MACROD2: variants seen among roughly 807,000 people sequenced by gnomAD.
MACROD2 encodes the protein ADP-ribose glycohydrolase MACROD2.
MACROD2 carries 36 observed loss-of-function variants against 70.4 expected under a neutral mutation model. That is an observed-to-expected ratio of 0.51 (90% CI 0.39 to 0.68). The LOEUF is 0.68. Ranked by LOEUF, MACROD2 falls within the 30% of genes least tolerant of loss-of-function variation. The probability of loss-of-function intolerance (pLI) is 0.00; values close to 1 mark genes in which losing one functional copy is unlikely to be tolerated. For missense variants in MACROD2, 496 were observed against 538.4 expected (o/e 0.92, Z 0.78); for synonymous variants, 172 against 178.8 (o/e 0.96, Z 0.30).
At chr20:14,024,373 C>T (rs1226957976) in intron 2 of MACROD2, among the ~76,000 whole-genome samples, 1 of 152,164 alleles carries the variant, frequency 6.6e-6, no homozygotes, top group Non-Finnish European at 1.5e-5. Flanking sequence ...TATTTGAATA[C>T]CCTTTATTTC....
At chr20:15,086,428 C>A (rs1014922482) in intron 5 of MACROD2, among the ~76,000 whole-genome samples, 57 of 152,116 alleles carry the variant, frequency 3.7e-4, no homozygotes, top group African/African-American at 1.3e-3. Context: ...TCAGAATCAA[C>A]TAAGGGTCTT....
intron 5 of MACROD2, among the ~76,000 whole-genome samples, chr20:15,142,071 C>A (rs1299515493): frequency 1.3e-5 from 2 of 152,158 alleles, no homozygotes; most frequent in East Asian, 1.9e-4. Context: ...GAGCATAACC[C>A]TATCAATGTC....
In MACROD2 at chr20:14,884,696, G is replaced by T. The variant is rs2073651424; in HGVS notation, c.418+199737G>T. On this transcript the variant is annotated intron_variant, in intron 5 of 17. Coordinates refer to ENST00000684519, the MANE Select transcript of MACROD2 (RefSeq NM_001351661.2). ...AACCTGAAACATGAGTTCAGGCCAT[G>T]ATGGGAATGGATAGTCAGACATGCC... 2 of 152,128 alleles carry T rather than the reference G, an allele frequency of 1.3e-5. 1 individual carries two copies. The highest frequency in any genetic ancestry group is 4.2e-4 in the South Asian group (2 of 4,818). The allele number at this position is 152,128 out of a possible 1,614,324, so 9.4% of individuals were successfully genotyped here.
chr20:15,922,660 G>C (rs2065427927), intron 10 of MACROD2, among the ~76,000 whole-genome samples: 1 of 152,188 alleles, frequency 6.6e-6, no homozygotes. Context: ...TTCACTGACT[G>C]CCTCCAGGAC....
At chr20:14,637,459 G>C (rs1336378425) in intron 4 of MACROD2, among the ~76,000 whole-genome samples, 1 of 152,126 alleles carries the variant, frequency 6.6e-6, no homozygotes, top group Non-Finnish European at 1.5e-5. Context: ...ATGAATGCTG[G>C]GTAAAATATT....
At chr20:14,220,992 C>T (rs982235028) in intron 3 of MACROD2, among the ~76,000 whole-genome samples, 23 of 152,262 alleles carry the variant, frequency 1.5e-4, no homozygotes, top group African/African-American at 5.3e-4. Flanking sequence ...GAGGTGCCGC[C>T]CACTGCTCTG....
chr20:16,011,257 C>T (rs775109), intron 15 of MACROD2, among the ~76,000 whole-genome samples: 21,635 of 152,218 alleles, frequency 0.14, 1,917 homozygotes, highest in South Asian at 0.23. Flanking sequence ...CACTCACTGA[C>T]GGGATAAAAT....
chr20:15,334,323 G>A (rs2078025371), intron 6 of MACROD2, among the ~76,000 whole-genome samples: 1 of 151,282 alleles, frequency 6.6e-6, no homozygotes, highest in African/African-American at 2.4e-5. Context: ...AATAAGAAGA[G>A]CATTTTGACT....
intron 3 of MACROD2, among the ~76,000 whole-genome samples, chr20:14,159,225 T>C (rs561004918): frequency 1.3e-5 from 2 of 151,864 alleles, no homozygotes; most frequent in Non-Finnish European, 2.9e-5. Context: ...GCAACAAGAG[T>C]GAAACTCTGT....
intron 8 of MACROD2, among the ~76,000 whole-genome samples, chr20:15,681,931 G>A (rs1392915417): frequency 1.3e-5 from 2 of 152,102 alleles, no homozygotes. Flanking sequence ...CCATTTTTGT[G>A]ATTCCCAAGG....
intron 6 of MACROD2, among the ~76,000 whole-genome samples, chr20:15,313,830 A>G (rs1328653509): frequency 1.3e-5 from 2 of 152,242 alleles, no homozygotes; most frequent in East Asian, 1.9e-4. Context: ...CCAAAAACGC[A>G]TATGAGCAGA....
intron 11 of MACROD2, among the ~76,000 whole-genome samples, chr20:15,936,673 A>G (rs899048963): frequency 5.5e-5 from 8 of 145,326 alleles, no homozygotes; most frequent in African/African-American, 1.9e-4. Flanking sequence ...ATATGTGTGT[A>G]TATATATATA....
intron 8 of MACROD2, among the ~76,000 whole-genome samples, chr20:15,652,245 A>T (rs1044083044): frequency 3.5e-4 from 53 of 152,300 alleles, no homozygotes; most frequent in African/African-American, 1.2e-3. Context: ...GATAATTCTC[A>T]TAAGCTTTAA....
chr20:15,672,994 C>G (rs372031906), intron 8 of MACROD2, among the ~76,000 whole-genome samples: 2 of 152,186 alleles, frequency 1.3e-5, no homozygotes, highest in Admixed American at 6.5e-5. Flanking sequence ...GTAAGACATG[C>G]CTTTTACCTT....
intron 3 of MACROD2, among the ~76,000 whole-genome samples, chr20:14,254,927 G>T (rs2082040695): frequency 6.6e-6 from 1 of 152,004 alleles, no homozygotes; most frequent in South Asian, 2.1e-4. Context: ...AGCTCTTTTA[G>T]GGCAGGCCTG....
chr20:15,070,573 C>G (rs1457364997), intron 5 of MACROD2, among the ~76,000 whole-genome samples: 1 of 152,034 alleles, frequency 6.6e-6, no homozygotes, highest in East Asian at 1.9e-4. Context: ...GGTGTCCTCC[C>G]CATAGTTTCA....
chr20:14,797,260 C>T (rs1213499070), intron 5 of MACROD2, among the ~76,000 whole-genome samples: 4 of 152,006 alleles, frequency 2.6e-5, no homozygotes, highest in Non-Finnish European at 4.4e-5. Context: ...GTCAGAATGC[C>T]GTTTTCAAAA....
At chr20:14,167,785 T>C (rs1412676996) in intron 3 of MACROD2, among the ~76,000 whole-genome samples, 1 of 152,208 alleles carries the variant, frequency 6.6e-6, no homozygotes, top group South Asian at 2.1e-4. Flanking sequence ...TGTAATACTT[T>C]CTATGTATAA....
intron 3 of MACROD2, among the ~76,000 whole-genome samples, chr20:14,383,985 T>G (rs2083447042): frequency 6.6e-6 from 1 of 152,280 alleles, no homozygotes; most frequent in South Asian, 2.1e-4. Flanking sequence ...CTTATAATTT[T>G]CAATTTGTGC....
Sources: gnomAD v4.1 joint callset for allele counts (sites outside exome capture counted in the v4.1 genomes callset) on GRCh38, gnomAD v4.1.1 for gene constraint, MANE v1.5 for transcripts, NCBI Gene and HGNC (gene_info 2026-07-23, HGNC 2026-07-21) for gene names.